OPTC: variants seen among roughly 807,000 people sequenced by gnomAD.
OPTC encodes the protein opticin.
In OPTC, 22 loss-of-function variants were observed where a neutral mutation model predicts 25.4. The ratio of observed to expected loss-of-function variants is 0.87; its 90% CI spans 0.62 to 1.24. OPTC has a LOEUF of 1.24. OPTC is among the 50% of genes most tolerant of loss of function. OPTC has a pLI of 0.00. For missense variants in OPTC, 417 were observed against 425.2 expected (o/e 0.98, Z 0.17); for synonymous variants, 169 against 179.3 (o/e 0.94, Z 0.46).
chr1:203,501,464 C>T (rs912969537), intron 5 of OPTC, among the ~76,000 whole-genome samples: 1 of 152,170 alleles, frequency 6.6e-6, no homozygotes, highest in Non-Finnish European at 1.5e-5. Flanking sequence ...AGTTGTATGA[C>T]ACAAATATGC....
At chr1:203,507,684 C>T (rs995840731) in intron 7 of OPTC, among the ~76,000 whole-genome samples, 2 of 152,090 alleles carry the variant, frequency 1.3e-5, no homozygotes, top group African/African-American at 2.4e-5. Flanking sequence ...CCCTCCTCTC[C>T]GTGAGAGAAA....
intron 5 of OPTC, among the ~76,000 whole-genome samples, chr1:203,502,649 C>T (rs569857096): frequency 2.0e-5 from 3 of 152,328 alleles, no homozygotes; most frequent in African/African-American, 7.2e-5. Context: ...GTGTCATTAC[C>T]AGCTGATTAG....
At chr1:203,501,194 G>A (rs983546381) in intron 5 of OPTC, among the ~76,000 whole-genome samples, 3 of 152,116 alleles carry the variant, frequency 2.0e-5, no homozygotes, top group Non-Finnish European at 2.9e-5. Context: ...TCTGCCTCCC[G>A]TGTTCAAGCA....
chr1:203,501,138 G>A (rs1364008871), intron 5 of OPTC, among the ~76,000 whole-genome samples: 1 of 152,084 alleles, frequency 6.6e-6, no homozygotes, highest in Non-Finnish European at 1.5e-5. Flanking sequence ...TGGCTCTGTC[G>A]CCCAGGCTGG....
At chr1:203,502,872 A>G in intron 5 of OPTC, 42 bp from the exon 6 acceptor site, 1 of 1,489,344 alleles carries the variant, frequency 6.7e-7, no homozygotes, top group Non-Finnish European at 9.4e-7. Flanking sequence ...CCAGGGTCCA[A>G]CAGGACCCAC....
At chr1:203,494,605 T>C (rs1401033797) in intron 1 of OPTC, among the ~76,000 whole-genome samples, 3 of 151,830 alleles carry the variant, frequency 2.0e-5, no homozygotes, top group Non-Finnish European at 4.4e-5. Context: ...GCTGAGATCA[T>C]GCCATAACAC....
In OPTC at chr1:203,497,074, C is replaced by G. The variant is rs775617361; in HGVS notation, c.329C>G (p.Pro110Arg). The G allele has an allele frequency of 1.0e-4, 164 of 1,614,006 alleles. No homozygotes were observed. The highest frequency in any genetic ancestry group is 1.3e-4 in the Non-Finnish European group (154 of 1,180,044). ...TPSSNPTMTR[P>R]TTAGLLLSSQ... The stretch of plus-strand genomic sequence containing the variant: ...TCGTCAAACCCCACGATGACCAGAC[C>G]TACTACAGCAGGGCTGCTACTGAGT... The change falls in exon 3 of 8, where the codon CCT (proline) becomes CGT (arginine). Residue 110 changes from proline (P) to arginine (R), a missense_variant. Transcript: ENST00000367222.
At chr1:203,495,448 G>A (rs567604643) in intron 1 of OPTC, among the ~76,000 whole-genome samples, 10 of 152,256 alleles carry the variant, frequency 6.6e-5, no homozygotes, top group East Asian at 1.9e-4. Context: ...CCCAGAAGGC[G>A]GAGGTTGCAG....
chr1:203,505,786 C>A (rs1469964061), intron 7 of OPTC, among the ~76,000 whole-genome samples: 2 of 152,108 alleles, frequency 1.3e-5, no homozygotes, highest in African/African-American at 4.8e-5. Flanking sequence ...TTCCAGCGCA[C>A]CTGGCCCCAG....
At chr1:203,502,854 C>A in intron 5 of OPTC, 60 bp from the exon 6 acceptor site, 6 of 1,324,336 alleles carry the variant, frequency 4.5e-6, no homozygotes, top group Non-Finnish European at 6.5e-6. Context: ...TCATAGCCCT[C>A]CTCACTGCCA....
rs565729845 is a variant in OPTC at position 203,497,710 on chromosome 1, C to T, written c.370+595C>T. ...GCCCGCGGTTTCCCTGTTCTCTTCT[C>T]GGGATGTTTGCCTTGGGTGGACCTG... On this transcript the variant is annotated intron_variant, in intron 3 of 7. Transcript: ENST00000367222. 3.3e-5 allele frequency among the ~76,000 whole-genome samples: 5 copies of T among 152,228 alleles called. 1 individual carries two copies. In the South Asian group the frequency reaches 8.3e-4, roughly 25 times the overall value.
At chr1:203,507,517 CA>C (rs571131141) in intron 7 of OPTC, among the ~76,000 whole-genome samples, 25 of 152,362 alleles carry the variant, frequency 1.6e-4, no homozygotes, top group Admixed American at 1.0e-3. Flanking sequence ...TTGGCAAGGG[CA>C]CTTGCTCTGG....
chr1:203,505,340 G>A (rs1164119848), intron 7 of OPTC, among the ~76,000 whole-genome samples: 3 of 152,178 alleles, frequency 2.0e-5, no homozygotes, highest in African/African-American at 7.2e-5. Context: ...TACAAGAGGA[G>A]GACCCAACTT....
rs56073037 is a variant in OPTC at position 203,503,814 on chromosome 1, C to T, written c.*25+69C>T. On this transcript the variant is annotated intron_variant, in intron 7 of 7. Transcript: ENST00000367222. ...TAAAGCCCAATTCCTTATCTTTAAA[C>T]GGTGATCTTTAGCCCAGGCATTAAT... is the stretch of plus-strand genomic sequence containing the variant. 18,006 of 1,359,430 alleles carry T rather than the reference C, an allele frequency of 0.013. 256 individuals carry two copies. Among genetic ancestry groups the T allele is most frequent in the South Asian group, 0.042 (3,592 of 85,522 alleles). The allele number at this position is 1,359,430 out of a possible 1,614,324, so 84.2% of individuals were successfully genotyped here. A position where few individuals can be genotyped will look rare whatever the true frequency, so the allele number is the denominator to read the frequency against.
chr1:203,496,270 C>CAGGGAATGT, intron 2 of OPTC, 34 bp downstream of exon 2: 1 of 1,477,582 alleles, frequency 6.8e-7, no homozygotes. Flanking sequence ...ACATTCCCTG[C>CAGGGAATGT]ATGACACTGG....
intron 7 of OPTC, among the ~76,000 whole-genome samples, chr1:203,506,332 G>A (rs1351014921): frequency 6.6e-6 from 1 of 151,798 alleles, no homozygotes; most frequent in Non-Finnish European, 1.5e-5. Flanking sequence ...TGTACTTTAA[G>A]TAGAGACAGG....
intron 7 of OPTC, among the ~76,000 whole-genome samples, chr1:203,506,152 CTTT>C (rs1211629662): frequency 7.1e-6 from 1 of 140,578 alleles, no homozygotes. Flanking sequence ...TTTCTTTTTT[CTTT>C]TTTTTTTTTT....
chr1:203,498,630 G>A, intron 3 of OPTC, 51 bp from the exon 4 acceptor site: 1 of 1,611,470 alleles, frequency 6.2e-7, no homozygotes, highest in South Asian at 1.1e-5. Flanking sequence ...AGGGCCATTG[G>A]CCCCAGAGGC....
In OPTC at chr1:203,503,709, C is replaced by T. The variant is rs369119232; in HGVS notation, c.988C>T (p.Arg330Cys). The change falls in exon 7 of 8, where the codon CGC becomes TGC. Residue 330 changes from arginine to cysteine, a missense_variant. Transcript: ENST00000367222. The stretch of plus-strand genomic sequence containing the variant: ...CTGCCTGCCTCGGCTCCCCATCGGC[C>T]GCTTCACGTAGCTCGGAGCCCTTCC... ...YFCLPRLPIG[R>C]FT 69 of 1,607,270 alleles carry T rather than the reference C, an allele frequency of 4.3e-5. No individual in the cohort carries two copies. The highest frequency in any genetic ancestry group is 5.0e-5 in the Non-Finnish European group (59 of 1,179,998).
Sources: allele counts gnomAD v4.1 joint callset (sites outside exome capture counted in the v4.1 genomes callset), GRCh38; gene constraint gnomAD v4.1.1; transcripts MANE v1.5; gene names NCBI Gene and HGNC (gene_info 2026-07-23, HGNC 2026-07-21).